Variants in PARP2 observed in about 807,000 individuals in gnomAD.
PARP2 encodes poly [ADP-ribose] polymerase 2.
Under a neutral mutation model 77.8 loss-of-function variants are expected in PARP2, and 57 were observed. That is an observed-to-expected ratio of 0.73 (90% CI 0.59 to 0.91). The LOEUF (loss-of-function observed/expected upper bound fraction) is 0.91. Among genes scored for constraint, PARP2 ranks in the 40% least tolerant of loss-of-function variants. PARP2 has a pLI of 0.00. For synonymous variants in PARP2, 226 were observed against 242.6 expected (o/e 0.93, Z 0.64); for missense variants, 651 against 689.0 (o/e 0.94, Z 0.62).
Position 20,345,007 on chromosome 14 carries a change from G to A in PARP2, c.122G>A (p.Arg41Lys). 6.2e-7 allele frequency: 1 copy of A among 1,614,000 alleles called. No homozygotes were observed. Among genetic ancestry groups the A allele is most frequent in the Non-Finnish European group, 8.5e-7 (1 of 1,179,912 alleles). Residue 41 changes from arginine to lysine, a missense_variant, in exon 2 of 16, where the codon AGA becomes AAA. By Grantham distance (26) the Arg-to-Lys change is conservative. Coordinates refer to ENST00000429687, the MANE Select transcript of PARP2 (RefSeq NM_001042618.2). ...TCTTCCCCTGCCAAGAAAACTCGTA[G>A]ATGCCAGAGACAGGAGTCGAAAAAG... Reference protein sequence around the residue: ...EDSSPAKKTRRCQRQESKKMP... With the variant: ...EDSSPAKKTRKCQRQESKKMP...
At chr14:20,345,174 C>A in intron 2 of PARP2, 87 bp downstream of exon 2, 1 of 1,453,074 alleles carries the variant, frequency 6.9e-7, no homozygotes, top group Non-Finnish European at 9.6e-7. Context: ...ACTCCTATTT[C>A]GTCCTTCTTT....
intron 14 of PARP2, 52 bp downstream of exon 14, chr14:20,357,201 C>A: frequency 6.8e-7 from 1 of 1,460,692 alleles, no homozygotes; most frequent in Non-Finnish European, 9.6e-7. Context: ...CAGTTTTTTT[C>A]CGATGAGAAA....
In PARP2 at chr14:20,356,597, C is replaced by G. The variant is rs1051760466; in HGVS notation, c.1237C>G (p.Leu413Val). The G allele has an allele frequency of 4.3e-6, 7 of 1,613,922 alleles. No individual in the cohort carries two copies. Among genetic ancestry groups the G allele is most frequent in the Admixed American group, 1.7e-5 (1 of 60,028 alleles). Residue 413 changes from leucine to valine, a missense_variant, in exon 13 of 16, where the codon CTA becomes GTA. By Grantham distance (32) the Leu-to-Val change is conservative (BLOSUM62 1). Coordinates refer to ENST00000429687, the MANE Select transcript of PARP2 (RefSeq NM_001042618.2). Reference sequence around the variant, plus strand: ...ATATTGGCTTTTCCTTAGGATGCTTCTATGGCATGGTTCCAGGATGAGTAA... The same window carrying G: ...ATATTGGCTTTTCCTTAGGATGCTTGTATGGCATGGTTCCAGGATGAGTAA... ...FREDLHNRML[L>V]WHGSRMSNWV...
At chr14:20,355,449 G>A in intron 9 of PARP2, 1 of 224,410 alleles carries the variant, frequency 4.5e-6, no homozygotes, top group Non-Finnish European at 8.7e-6. Flanking sequence ...AGATAGAACT[G>A]TATCCAACTG....
chr14:20,346,344 T>TG (rs1356045374), intron 3 of PARP2, among the ~76,000 whole-genome samples: 15 of 132,116 alleles, frequency 1.1e-4, no homozygotes, highest in African/African-American at 3.9e-4. Context: ...TTTTTTTTTT[T>TG]TGAGATAGAG....
At chr14:20,346,699 C>A in intron 3 of PARP2, 164 bp from the exon 4 acceptor site, 1 of 572,532 alleles carries the variant, frequency 1.7e-6, no homozygotes, top group Non-Finnish European at 3.2e-6. Context: ...AAGGTTACAC[C>A]CAGGTTACTG....
chr14:20,345,143 G>A (rs768479843), intron 2 of PARP2, 56 bp downstream of exon 2: 1 of 1,582,308 alleles, frequency 6.3e-7, no homozygotes, highest in East Asian at 2.2e-5. Context: ...GTGGATCTGG[G>A]GATGATATCT....
Position 20,357,709 on chromosome 14 carries a change from A to G in PARP2, c.1625A>G (p.Asn542Ser). 4 of 1,613,530 alleles carry G rather than the reference A, an allele frequency of 2.5e-6. No individual in the cohort carries two copies. Among genetic ancestry groups the G allele is most frequent in the Non-Finnish European group, 3.4e-6 (4 of 1,179,414 alleles). Residue 542 changes from asparagine to serine, a missense_variant, in exon 16 of 16, where the codon AAC (asparagine) becomes AGC (serine). Physicochemically the swap from Asn to Ser is conservative, Grantham distance 46. Coordinates refer to ENST00000429687, the MANE Select transcript of PARP2 (RefSeq NM_001042618.2). ...GILNPDGYTL[N>S]YNEYIVYNPN... ...CTGAATCCAGATGGTTATACCCTCA[A>G]CTACAATGAATATATTGTATATAAC... is the stretch of plus-strand genomic sequence containing the variant.
Position 20,355,829 on chromosome 14 carries a change from G to A in PARP2, c.966+14G>A. On this transcript the variant is annotated intron_variant, in intron 10 of 15. Transcript: ENST00000429687. ...CAATTACTAGAGGTGAGATATGTAT[G>A]ATTTGAGAAGTATTATATCCCTTAT... The A allele has an allele frequency of 6.2e-7, 1 of 1,613,136 alleles. No homozygotes were observed. Among genetic ancestry groups the A allele is most frequent in the Non-Finnish European group, 8.5e-7 (1 of 1,179,088 alleles).
intron 11 of PARP2, 84 bp downstream of exon 11, chr14:20,356,115 A>C: frequency 6.6e-7 from 1 of 1,517,238 alleles, no homozygotes; most frequent in Non-Finnish European, 9.0e-7. Flanking sequence ...ACTTCTTGTC[A>C]AGAGCAAATT....
At position 20,357,164 on chromosome 14, in the gene PARP2, T is replaced by TCACA. The variant is rs372340990; in HGVS notation, c.1428+15_1428+16insCACA. On this transcript the variant is annotated intron_variant, in intron 14 of 15. Coordinates refer to ENST00000429687, the MANE Select transcript of PARP2 (RefSeq NM_001042618.2). ...TCTTATCAGAGGTGAGACAGGAGTA[T>TCACA]GTCTGTGATCTCTAGTTTATTAATT... is the stretch of plus-strand genomic sequence containing the variant. 3 of 1,545,778 alleles carry TCACA rather than the reference T, an allele frequency of 1.9e-6. No individual in the cohort carries two copies. The highest frequency in any genetic ancestry group is 3.3e-5 in the Admixed American group (2 of 59,914).
intron 3 of PARP2, chr14:20,346,621 A>ACCATG (rs1398884391): frequency 2.6e-6 from 1 of 380,034 alleles, no homozygotes; most frequent in Non-Finnish European, 4.9e-6. Context: ...GGCATGAGCC[A>ACCATG]CCATGCGCAG....
At chr14:20,351,517 T>C (rs1883954773) in intron 6 of PARP2, among the ~76,000 whole-genome samples, 1 of 152,148 alleles carries the variant, frequency 6.6e-6, no homozygotes, top group Admixed American at 6.6e-5. Context: ...TATAAAAAAC[T>C]TTTCGTTTTA....
Position 20,345,101 on chromosome 14 carries a change from G to T in PARP2, c.202+14G>T. ...ACAAGCAAGATGGTATGCCAGGAAG[G>T]TCATGGGCCAGCAAAAGGGTCTCTG... On this transcript the variant is annotated intron_variant, in intron 2 of 15. Transcript: ENST00000429687. 6.2e-7 allele frequency: 1 copy of T among 1,613,946 alleles called. No individual in the cohort carries two copies. The highest frequency in any genetic ancestry group is 8.5e-7 in the Non-Finnish European group (1 of 1,179,862).
In PARP2 at chr14:20,354,170, T is replaced by A. The variant is rs749913566; in HGVS notation, c.686T>A (p.Ile229Lys). Residue 229 changes from isoleucine to lysine, a missense_variant, in exon 8 of 16, where the codon ATA (isoleucine) becomes AAA (lysine). Coordinates refer to ENST00000429687, the MANE Select transcript of PARP2 (RefSeq NM_001042618.2). ...CTAGATCTTCGGGTACAGGAGTTAA[T>A]AAAGTTGATCTGTAATGTTCAGGCC... ...SQLDLRVQEL[I>K]KLICNVQAME... The A allele has an allele frequency of 2.5e-6, 4 of 1,613,116 alleles. No individual in the cohort carries two copies. Among genetic ancestry groups the A allele is most frequent in the African/African-American group, 1.3e-5 (1 of 74,916 alleles).
In PARP2 at chr14:20,352,568, T is replaced by TTTTTTTTTG. The variant is rs10695113; in HGVS notation, c.600+221_600+222insTTTTTTTTG. 299 of 296,994 alleles carry TTTTTTTTTG rather than the reference T, an allele frequency of 1.0e-3. 1 individual carries two copies. Among genetic ancestry groups the TTTTTTTTTG allele is most frequent in the South Asian group, 1.9e-3 (24 of 12,502 alleles). The allele number at this position is 296,994 out of a possible 1,614,324, so 18.4% of individuals were successfully genotyped here. A position where few individuals can be genotyped will look rare whatever the true frequency, so the allele number is the denominator to read the frequency against. On this transcript the variant is annotated intron_variant, in intron 7 of 15. Coordinates refer to ENST00000429687, the MANE Select transcript of PARP2 (RefSeq NM_001042618.2). ...CAGCTGATTTTTTTTCTTTTTTTTT[T>TTTTTTTTTG]GTAAAGATGAGGTTTCACTATGTTG...
intron 12 of PARP2, 45 bp from the exon 13 acceptor site, chr14:20,356,545 A>C: frequency 4.4e-6 from 7 of 1,595,026 alleles, no homozygotes; most frequent in Non-Finnish European, 6.0e-6. Flanking sequence ...CTTATGGCCT[A>C]TCTGTGCAGA....
chr14:20,354,087 T>G lies in PARP2; in HGVS notation c.603T>G (p.Asp201Glu). The stretch of plus-strand genomic sequence containing the variant: ...GTTTTGTTTGTTTTTTGCTATAGGA[T>G]GAAGAGGAAACAAAGAAAGAGGAAT... ...LQMDYATNTQ[D>E]EEETKKEESL... The change falls in exon 8 of 16, where the codon GAT becomes GAG. Residue 201 changes from aspartate (D) to glutamate (E), a missense_variant and splice_region_variant. Asp to Glu is a conservative substitution (Grantham distance 45, BLOSUM62 2). Transcript: ENST00000429687. 6.2e-7 allele frequency: 1 copy of G among 1,611,540 alleles called. No homozygotes were observed. The highest frequency in any genetic ancestry group is 8.5e-7 in the Non-Finnish European group (1 of 1,177,986).
Position 20,343,659 on chromosome 14 carries a change from A to T in PARP2, c.18A>T (p.Arg6=), listed in dbSNP as rs766352929. The change falls in exon 1 of 16, where the codon CGA becomes CGT. Residue 6 remains arginine (R), a synonymous_variant. Coordinates refer to ENST00000429687, the MANE Select transcript of PARP2 (RefSeq NM_001042618.2). Reference sequence around the variant, plus strand: ...CGAATTCCATGGCGGCGCGGCGGCGACGGAGCACCGGCGGCGGCAGGGCGA... The same window carrying T: ...CGAATTCCATGGCGGCGCGGCGGCGTCGGAGCACCGGCGGCGGCAGGGCGA... The part of the protein sequence containing the change: MAARR[R]RSTGGGRARA... The T allele has an allele frequency of 2.5e-6, 4 of 1,610,648 alleles. No individual in the cohort carries two copies. Among genetic ancestry groups the T allele is most frequent in the Non-Finnish European group, 3.4e-6 (4 of 1,179,142 alleles).
Sources: allele counts gnomAD v4.1 joint callset (sites outside exome capture counted in the v4.1 genomes callset), GRCh38; gene constraint gnomAD v4.1.1; transcripts MANE v1.5; gene names NCBI Gene and HGNC (gene_info 2026-07-23, HGNC 2026-07-21).